AFF1: variants seen among roughly 807,000 people sequenced by gnomAD.
AFF1 encodes ALF transcription elongation factor 1.
A neutral mutation model predicts 121.7 loss-of-function variants in AFF1; 48 were observed. That is an observed-to-expected ratio of 0.39 (90% CI 0.31 to 0.50). AFF1 has a LOEUF of 0.50. Ranked by LOEUF, AFF1 falls within the 20% of genes least tolerant of loss-of-function variation. AFF1 has a pLI of 0.76. For synonymous variants in AFF1, 613 were observed against 563.0 expected, an observed-to-expected ratio of 1.09 and a Z score of -1.26; for missense variants, 1,523 against 1,511.7, an observed-to-expected ratio of 1.01 and a Z score of -0.12.
chr4:87,034,766 T>TGATGG (rs1729397952), intron 2 of AFF1, among the ~76,000 whole-genome samples: 1 of 151,302 alleles, frequency 6.6e-6, no homozygotes, highest in Admixed American at 6.6e-5. Flanking sequence ...TTGATTCATT[T>TGATGG]GATGGGTAAA....
intron 2 of AFF1, among the ~76,000 whole-genome samples, chr4:86,985,444 G>A (rs1247193966): frequency 1.3e-5 from 2 of 148,536 alleles, no homozygotes; most frequent in Non-Finnish European, 3.0e-5. Context: ...CTGGGAGGCA[G>A]AAGTTGCAGT....
intron 12 of AFF1, among the ~76,000 whole-genome samples, chr4:87,124,747 G>T (rs1243406403): frequency 3.9e-5 from 6 of 152,074 alleles, no homozygotes; most frequent in Admixed American, 3.9e-4. Flanking sequence ...CTACTTACTG[G>T]CATTGTCTGT....
At chr4:87,028,013 T>A (rs1728699832) in intron 2 of AFF1, among the ~76,000 whole-genome samples, 1 of 152,078 alleles carries the variant, frequency 6.6e-6, no homozygotes, top group South Asian at 2.1e-4. Context: ...AAGTGCTTAT[T>A]GGAGCATTTT....
chr4:86,979,205 C>T (rs1271452042), intron 2 of AFF1, among the ~76,000 whole-genome samples: 1 of 152,202 alleles, frequency 6.6e-6, no homozygotes, highest in Non-Finnish European at 1.5e-5. Context: ...TCAAGTCATT[C>T]TCCTGCCTCA....
chr4:86,996,283 G>GGGGGGAAAGGT (rs1560526585), intron 2 of AFF1, among the ~76,000 whole-genome samples: 1 of 152,070 alleles, frequency 6.6e-6, no homozygotes, highest in East Asian at 1.9e-4. Context: ...GGAATAGAAA[G>GGGGGGAAAGGT]GGGGGAAAGG....
intron 2 of AFF1, among the ~76,000 whole-genome samples, chr4:86,974,415 T>TG (rs1419709183): frequency 6.6e-6 from 1 of 152,204 alleles, no homozygotes; most frequent in Non-Finnish European, 1.5e-5. Context: ...CCCAAAGTGC[T>TG]GGGATTATAC....
At chr4:87,092,070 G>A (rs1248692014) in intron 7 of AFF1, among the ~76,000 whole-genome samples, 1 of 152,226 alleles carries the variant, frequency 6.6e-6, no homozygotes, top group Non-Finnish European at 1.5e-5. Flanking sequence ...GATCGCTTGA[G>A]CCTAGGAGTT....
At chr4:87,073,136 C>T (rs986843358) in intron 4 of AFF1, among the ~76,000 whole-genome samples, 2 of 151,492 alleles carry the variant, frequency 1.3e-5, no homozygotes, top group African/African-American at 4.8e-5. Context: ...TTAAATTAGG[C>T]ACTTTTTGAT....
rs1345084792 is a variant in AFF1, at chr4:87,066,097, G to A, written c.1060-18023G>A. Among the ~76,000 whole-genome samples the A allele has an allele frequency of 2.0e-5, 3 of 152,200 alleles. No homozygotes were observed. The East Asian group carries it at 5.8e-4, about 29-fold the overall frequency. On this transcript the variant is annotated intron_variant, in intron 4 of 20. Coordinates refer to ENST00000395146, the MANE Select transcript of AFF1 (RefSeq NM_001166693.3). ...TACCAGAACAGGGCAGGGTTTCACT[G>A]CATGATAATACCCATGTTTCCATTG... is the stretch of plus-strand genomic sequence containing the variant.
At position 87,114,908 on chromosome 4, in the gene AFF1, G is replaced by T; in HGVS notation, c.2075G>T (p.Gly692Val). 6.2e-7 allele frequency: 1 copy of T among 1,612,792 alleles called. No homozygotes were observed. Residue 692 changes from glycine to valine, a missense_variant, in exon 12 of 21, where the codon GGC becomes GTC. Physicochemically the swap from Gly to Val is moderately radical, Grantham distance 109. This residue lies in a region of AFF1 where 905 missense variants were observed against 842.5 expected (regional missense o/e 1.07). Coordinates refer to ENST00000395146, the MANE Select transcript of AFF1 (RefSeq NM_001166693.3). Reference protein sequence around the residue: ...SLPAPSKALSGPEPAKDNVED... With the variant: ...SLPAPSKALSVPEPAKDNVED... ...CCTGCCCCCTCTAAGGCTCTCTCAGGCCCAGAACCCGCGAAGGACAATGTG... is the reference window on the plus strand; with the variant it reads ...CCTGCCCCCTCTAAGGCTCTCTCAGTCCCAGAACCCGCGAAGGACAATGTG...
At chr4:87,106,641 C>G (rs778596234) in intron 10 of AFF1, among the ~76,000 whole-genome samples, 7 of 152,170 alleles carry the variant, frequency 4.6e-5, no homozygotes, top group Non-Finnish European at 7.4e-5. Context: ...AATAAGCCAG[C>G]CATACTTTAG....
At chr4:86,939,199 A>G (rs1262516433) in intron 1 of AFF1, among the ~76,000 whole-genome samples, 2 of 152,104 alleles carry the variant, frequency 1.3e-5, no homozygotes, top group Non-Finnish European at 2.9e-5. Flanking sequence ...CACATGGCAT[A>G]ATCATTTAAG....
At chr4:87,004,112 AG>A (rs372858360) in intron 2 of AFF1, among the ~76,000 whole-genome samples, 23 of 152,352 alleles carry the variant, frequency 1.5e-4, no homozygotes, top group African/African-American at 5.5e-4. Flanking sequence ...TTCTGCAACT[AG>A]GATCTGGAGT....
intron 2 of AFF1, among the ~76,000 whole-genome samples, chr4:86,990,120 A>T (rs998159852): frequency 6.6e-6 from 1 of 151,936 alleles, no homozygotes; most frequent in Admixed American, 6.6e-5. Flanking sequence ...GCACATGTAT[A>T]CCTATGTAAC....
intron 2 of AFF1, among the ~76,000 whole-genome samples, chr4:86,977,343 C>T (rs1723378576): frequency 6.6e-6 from 1 of 152,166 alleles, no homozygotes; most frequent in Non-Finnish European, 1.5e-5. Context: ...AATTTCATCA[C>T]ACTACTTAGA....
Position 87,126,203 on chromosome 4 carries a change from G to A in AFF1, c.2678G>A (p.Arg893Lys), listed in dbSNP as rs766928029. Reference sequence around the variant, plus strand: ...GCCAAGCCTGCACTTAAGAGGTCAAGGCGGGAAGCAGACACCTGTGGCCAG... The same window carrying A: ...GCCAAGCCTGCACTTAAGAGGTCAAAGCGGGAAGCAGACACCTGTGGCCAG... ...KPAKPALKRS[R>K]READTCGQDP... The change falls in exon 14 of 21, where the codon AGG becomes AAG. Residue 893 changes from arginine (R) to lysine (K), a missense_variant. Arg to Lys is a conservative substitution (Grantham distance 26). Around this residue, in one of 5 missense-constraint regions of AFF1, gnomAD observed 905 missense variants for 842.5 expected, o/e 1.07. Transcript: ENST00000395146. 3.1e-6 allele frequency: 5 copies of A among 1,614,006 alleles called. No homozygotes were observed. In the Admixed American group the frequency reaches 5.0e-5, roughly 16 times the overall value.
chr4:87,010,520 G>A (rs1726632677), intron 2 of AFF1, among the ~76,000 whole-genome samples: 1 of 152,142 alleles, frequency 6.6e-6, no homozygotes. Context: ...ACAGAACATG[G>A]CTTTAGTTAC....
intron 4 of AFF1, among the ~76,000 whole-genome samples, chr4:87,054,900 A>G (rs1313413782): frequency 6.6e-6 from 1 of 152,030 alleles, no homozygotes; most frequent in Non-Finnish European, 1.5e-5. Context: ...CTTTCTCCCT[A>G]CCGCCCCCCA....
rs148612892 is a variant in AFF1, at chr4:87,120,863, C to A, written c.2467-4174C>A. Among the ~76,000 whole-genome samples the A allele has an allele frequency of 2.6e-3, 403 of 152,302 alleles. 2 individuals are homozygous for A. Among genetic ancestry groups the A allele is most frequent in the Non-Finnish European group, 4.5e-3 (304 of 68,024 alleles). On this transcript the variant is annotated intron_variant, in intron 12 of 20. Coordinates refer to ENST00000395146, the MANE Select transcript of AFF1 (RefSeq NM_001166693.3). ...AGTTCTGGAAAAAGCCACCTTTTCC[C>A]TGCTTCCTACAAGTGTCTGCTTGGT...
Sources: gnomAD v4.1 joint callset for allele counts (sites outside exome capture counted in the v4.1 genomes callset) on GRCh38, gnomAD v4.1.1 for gene constraint, gnomAD v4.1.1 regional missense constraint, MANE v1.5 for transcripts, NCBI Gene and HGNC (gene_info 2026-07-23, HGNC 2026-07-21) for gene names.